Variants in PPP1R8 observed in about 807,000 individuals in gnomAD.
The protein encoded by PPP1R8 is protein phosphatase 1 regulatory subunit 8, also known as nuclear inhibitor of protein phosphatase 1.
PPP1R8 carries 4 observed loss-of-function variants against 31.3 expected under a neutral mutation model. The ratio of observed to expected loss-of-function variants is 0.13; its 90% confidence interval spans 0.06 to 0.29. PPP1R8 has a LOEUF of 0.29. PPP1R8 is among the 10% of genes least tolerant of loss of function. The probability of loss-of-function intolerance (pLI) is 1.00; values close to 1 mark genes in which losing one functional copy is unlikely to be tolerated. For synonymous variants in PPP1R8, 170 were observed against 169.7 expected, an observed-to-expected ratio of 1.00 and a Z score of -0.01; for missense variants, 254 against 440.1, an observed-to-expected ratio of 0.58 and a Z score of 3.78.
At chr1:27,841,307 G>A (rs2089220570) in intron 4 of PPP1R8, 73 bp downstream of exon 4, 3 of 1,496,696 alleles carry the variant, frequency 2.0e-6, no homozygotes, top group Non-Finnish European at 2.7e-6. Flanking sequence ...GTTCTATGTA[G>A]CTGGAAATGC....
At chr1:27,844,389 C>T (rs897413117) in intron 5 of PPP1R8, among the ~76,000 whole-genome samples, 17 of 150,898 alleles carry the variant, frequency 1.1e-4, no homozygotes, top group South Asian at 2.1e-4. Context: ...AGTGCAGTGA[C>T]GCAATCTCGG....
In PPP1R8 at chr1:27,841,253, C is replaced by G. The variant is rs1159077526; in HGVS notation, c.492+19C>G. ...GCTTGATGTAATTCCCTGTTTATGT[C>G]ATTGTTTTGTCTTTGGGGACCCTGG... is the stretch of plus-strand genomic sequence containing the variant. On this transcript the variant is annotated intron_variant, in intron 4 of 6. Transcript: ENST00000311772. 6.2e-7 allele frequency: 1 copy of G among 1,612,238 alleles called. No homozygotes were observed. Among genetic ancestry groups the G allele is most frequent in the Admixed American group, 1.7e-5 (1 of 59,962 alleles).
At chr1:27,845,708 A>G (rs966752648) in intron 5 of PPP1R8, among the ~76,000 whole-genome samples, 16 of 151,638 alleles carry the variant, frequency 1.1e-4, no homozygotes, top group African/African-American at 3.2e-4. Flanking sequence ...GGGGCTAATT[A>G]TAATTACTCA....
chr1:27,842,826 T>C (rs574170764), intron 4 of PPP1R8, among the ~76,000 whole-genome samples: 11 of 152,360 alleles, frequency 7.2e-5, no homozygotes, highest in African/African-American at 2.4e-4. Context: ...CATTTCCTTT[T>C]AATTCTCAGC....
chr1:27,846,342 C>T (rs116513322), intron 5 of PPP1R8, among the ~76,000 whole-genome samples: 2 of 152,234 alleles, frequency 1.3e-5, no homozygotes, highest in African/African-American at 4.8e-5. Context: ...GTGCACTTCT[C>T]TTGAAGCACC....
chr1:27,849,060 C>G lies in PPP1R8; in HGVS notation c.703-1033C>G, dbSNP rs180942289. On this transcript the variant is annotated intron_variant, in intron 6 of 6. Transcript: ENST00000311772. ...TTCTTCACTGTAGATTGGTTTTGCT[C>G]TCAGATTAATGTTTAAAAATTGGAC... is the stretch of plus-strand genomic sequence containing the variant. 2.0e-5 allele frequency among the ~76,000 whole-genome samples: 3 copies of G among 152,220 alleles called. No individual in the cohort carries two copies. The East Asian group carries it at 5.8e-4, about 29-fold the overall frequency.
chr1:27,835,901 G>A (rs1294176075), intron 2 of PPP1R8, among the ~76,000 whole-genome samples: 1 of 152,206 alleles, frequency 6.6e-6, no homozygotes, highest in Admixed American at 6.5e-5. Flanking sequence ...TGGTTGTGAG[G>A]ATGAAATGAT....
Position 27,850,541 on chromosome 1 carries a change from G to A in PPP1R8, c.*95G>A, listed in dbSNP as rs778275006. 18 of 1,126,108 alleles carry A rather than the reference G, an allele frequency of 1.6e-5. No homozygotes were observed. The highest frequency in any genetic ancestry group is 1.4e-4 in the Admixed American group (5 of 36,326). 69.8% of individuals were successfully genotyped at this position (1,126,108 alleles called of 1,614,324 possible). A position where few individuals can be genotyped will look rare whatever the true frequency, so the allele number is the denominator to read the frequency against. The stretch of plus-strand genomic sequence containing the variant: ...CTAGGGAGAAAAACTTTCCATGTGT[G>A]CGGTATCGTCTTTCAGAATGTCTCC... On this transcript the variant is annotated 3_prime_UTR_variant, in exon 7 of 7. Transcript: ENST00000311772.
chr1:27,850,108 G>C lies in PPP1R8; in HGVS notation c.718G>C (p.Gly240Arg). The stretch of plus-strand genomic sequence containing the variant: ...TGAACTGTAGAAGAAGCGTGTGGAG[G>C]GCCCTGGCTCCCTGGGCCTGGAGGA... ...VVPVKKKRVE[G>R]PGSLGLEESG... The change falls in exon 7 of 7, where the codon GGC (glycine) becomes CGC (arginine). Residue 240 changes from glycine to arginine, a missense_variant. Gly to Arg is a moderately radical substitution (Grantham distance 125). Coordinates refer to ENST00000311772, the MANE Select transcript of PPP1R8 (RefSeq NM_014110.5). 1 of 1,576,158 alleles carries C rather than the reference G, an allele frequency of 6.3e-7. No individual in the cohort carries two copies.
chr1:27,832,855 TA>T, intron 2 of PPP1R8, 39 bp downstream of exon 2: 1 of 1,539,106 alleles, frequency 6.5e-7, no homozygotes, highest in South Asian at 1.2e-5. Flanking sequence ...GCTGCCACAC[TA>T]AAGATTTTTG....
chr1:27,840,159 C>T (rs191298206), intron 3 of PPP1R8, among the ~76,000 whole-genome samples: 52 of 152,308 alleles, frequency 3.4e-4, no homozygotes, highest in African/African-American at 1.2e-3. Context: ...AGATAATCCA[C>T]AGAAATGCAA....
rs2089337995 is a variant in PPP1R8, at chr1:27,850,908, GA to G, written c.*464del. 2 of 155,552 alleles carry G rather than the reference GA, an allele frequency of 1.3e-5. No individual in the cohort carries two copies. The highest frequency in any genetic ancestry group is 2.4e-5 in the African/African-American group (1 of 41,608). 9.6% of individuals were successfully genotyped at this position (155,552 alleles called of 1,614,324 possible). On this transcript the variant is annotated 3_prime_UTR_variant, in exon 7 of 7. Coordinates refer to ENST00000311772, the MANE Select transcript of PPP1R8 (RefSeq NM_014110.5). ...CCATAGATCTCAGTTTGATCAAAAA[GA>G]AGGCTTAGAATTCTGCAGTTAAGCT...
At position 27,843,237 on chromosome 1, in the gene PPP1R8, A is replaced by G. The variant is rs1318995432; in HGVS notation, c.544A>G (p.Ile182Val). Reference protein sequence around the residue: ...AHNKRISTLTIEEGNLDIQRP... With the variant: ...AHNKRISTLTVEEGNLDIQRP... ...CAACAAGCGGATTTCTACCCTTACC[A>G]TTGAGGAGGGAAATCTGGACATTCA... Residue 182 changes from isoleucine to valine, a missense_variant, in exon 5 of 7, where the codon ATT becomes GTT. By Grantham distance (29) the Ile-to-Val change is conservative. Coordinates refer to ENST00000311772, the MANE Select transcript of PPP1R8 (RefSeq NM_014110.5). 3 of 1,614,002 alleles carry G rather than the reference A, an allele frequency of 1.9e-6. No homozygotes were observed. The highest frequency in any genetic ancestry group is 2.5e-6 in the Non-Finnish European group (3 of 1,180,014).
chr1:27,843,204 A>G lies in PPP1R8; in HGVS notation c.511A>G (p.Thr171Ala). Reference protein sequence around the residue: ...TELDNLTEFNTAHNKRISTLT... With the variant: ...TELDNLTEFNAAHNKRISTLT... ...GGCTTAGAACCTGACAGAGTTCAACACTGCCCACAACAAGCGGATTTCTAC... is the reference window on the plus strand; with the variant it reads ...GGCTTAGAACCTGACAGAGTTCAACGCTGCCCACAACAAGCGGATTTCTAC... Residue 171 changes from threonine (T) to alanine (A), a missense_variant, in exon 5 of 7, where the codon ACT becomes GCT. Physicochemically the swap from Thr to Ala is moderately conservative, Grantham distance 58 (BLOSUM62 0). This residue lies in a region of PPP1R8 where 29 missense variants were observed against 99.2 expected (regional missense o/e 0.29). Transcript: ENST00000311772. 1 of 1,614,154 alleles carries G rather than the reference A, an allele frequency of 6.2e-7. No individual in the cohort carries two copies. The highest frequency in any genetic ancestry group is 8.5e-7 in the Non-Finnish European group (1 of 1,180,030).
chr1:27,847,168 T>C (rs2089289229), intron 6 of PPP1R8, 76 bp downstream of exon 6: 3 of 1,447,808 alleles, frequency 2.1e-6, no homozygotes, highest in Non-Finnish European at 2.9e-6. Flanking sequence ...GGCTTATGCC[T>C]GTAATCCAAG....
intron 6 of PPP1R8, among the ~76,000 whole-genome samples, chr1:27,847,945 CAG>C: frequency 6.6e-6 from 1 of 152,224 alleles, no homozygotes; most frequent in African/African-American, 2.4e-5. Flanking sequence ...CAGAGGGGTG[CAG>C]AGAGAGGCCC....
intron 6 of PPP1R8, among the ~76,000 whole-genome samples, 170 bp downstream of exon 6, chr1:27,847,262 T>G (rs2089290300): frequency 6.6e-6 from 1 of 152,080 alleles, no homozygotes; most frequent in Admixed American, 6.5e-5. Context: ...ATCCCAGCAC[T>G]TTGGGAGGCC....
Position 27,838,786 on chromosome 1 carries a change from CG to C in PPP1R8, c.208del (p.Val70SerfsTer11), listed in dbSNP as rs1228477919. 6.2e-7 allele frequency: 1 copy of C among 1,612,954 alleles called. No individual in the cohort carries two copies. The highest frequency in any genetic ancestry group is 8.5e-7 in the Non-Finnish European group (1 of 1,179,502). On this transcript the variant is annotated frameshift_variant, in exon 3 of 7. Transcript: ENST00000311772. LOFTEE classifies it high-confidence loss of function. ...TACCATTGACCACCAGTCTTGCTCT[CG>C]GGTCCATGCTGCACTTGTCTACCAC... Reference protein sequence around the residue: ...DFTIDHQSCSRVHAALVYHKH... With the variant: ...DFTIDHQSCSXVHAALVYHKH...
chr1:27,839,368 A>G (rs2089200872), intron 3 of PPP1R8, among the ~76,000 whole-genome samples: 1 of 152,118 alleles, frequency 6.6e-6, no homozygotes, highest in Non-Finnish European at 1.5e-5. Flanking sequence ...CCTCTACCAA[A>G]AATACAAAAA....
Sources: gnomAD v4.1 joint callset for allele counts (sites outside exome capture counted in the v4.1 genomes callset) on GRCh38, gnomAD v4.1.1 for gene constraint, gnomAD v4.1.1 regional missense constraint, MANE v1.5 for transcripts, NCBI Gene and HGNC (gene_info 2026-07-23, HGNC 2026-07-21) for gene names.